The following TNNI3K variants were observed in gnomAD, a reference collection of about 807,000 sequenced individuals.
TNNI3K encodes the protein TNNI3 interacting kinase, also known as serine/threonine-protein kinase TNNI3K.
TNNI3K carries 140 observed loss-of-function variants against 114.5 expected under a neutral mutation model. The observed-to-expected ratio is 1.22, with a 90% CI of 1.07 to 1.41. The LOEUF is 1.41. TNNI3K is among the 40% of genes most tolerant of loss of function. The pLI is 0.00. For missense variants in TNNI3K, 1,125 were observed against 1,007.6 expected (o/e 1.12, Z -1.58); for synonymous variants, 347 against 347.5 (o/e 1.00, Z 0.02).
chr1:74,429,617 AGAGT>A (rs1275732895), intron 17 of TNNI3K, among the ~76,000 whole-genome samples: 4 of 152,158 alleles, frequency 2.6e-5, no homozygotes, highest in Admixed American at 2.6e-4. Context: ...TGGCAGGAAG[AGAGT>A]TCTGAGCCAT....
chr1:74,235,446 TAATA>T lies in TNNI3K; in HGVS notation c.-2_2del, dbSNP rs771367423. The T allele has an allele frequency of 6.6e-7, 1 of 1,518,970 alleles. No individual in the cohort carries two copies. Among genetic ancestry groups the T allele is most frequent in the Non-Finnish European group, 9.0e-7 (1 of 1,110,178 alleles). The allele number at this position is 1,518,970 out of a possible 1,614,324, so 94.1% of individuals were successfully genotyped here. A position where few individuals can be genotyped will look rare whatever the true frequency, so the allele number is the denominator to read the frequency against. ...TGCCCTGGAGAAAGGAAGAAACTTA[TAATA>T]AATGGGAAATTATAAATCTAGACCA... On this transcript the variant is annotated 5_prime_UTR_variant, in exon 1 of 25. Transcript: ENST00000326637.
At chr1:74,416,684 AT>A in intron 17 of TNNI3K, 1 of 509,408 alleles carries the variant, frequency 2.0e-6, no homozygotes, top group Non-Finnish European at 2.5e-6. Context: ...TTATTCTTAC[AT>A]TAAATATCTT....
intron 17 of TNNI3K, among the ~76,000 whole-genome samples, chr1:74,385,102 A>C (rs1233186987): frequency 2.0e-5 from 3 of 152,134 alleles, no homozygotes; most frequent in Non-Finnish European, 2.9e-5. Context: ...CTCTGCCTAC[A>C]TTCCACTTAT....
chr1:74,451,248 G>A (rs1024992227), intron 20 of TNNI3K, among the ~76,000 whole-genome samples: 1 of 152,034 alleles, frequency 6.6e-6, no homozygotes, highest in Non-Finnish European at 1.5e-5. Context: ...GCCTGTTGGG[G>A]AAGGCAGGGG....
intron 17 of TNNI3K, among the ~76,000 whole-genome samples, chr1:74,398,683 G>T (rs1202838874): frequency 5.3e-5 from 8 of 152,136 alleles, no homozygotes; most frequent in Admixed American, 5.2e-4. Context: ...ATTATACCCA[G>T]ATTTGGCCTG....
At chr1:74,400,427 G>A (rs964565689) in intron 17 of TNNI3K, among the ~76,000 whole-genome samples, 6 of 152,144 alleles carry the variant, frequency 3.9e-5, no homozygotes, top group Admixed American at 2.6e-4. Flanking sequence ...CCAAATTTTC[G>A]GTACTAGCTC....
intron 21 of TNNI3K, among the ~76,000 whole-genome samples, chr1:74,483,919 G>C (rs1668623118): frequency 6.6e-6 from 1 of 152,090 alleles, no homozygotes; most frequent in Admixed American, 6.5e-5. Flanking sequence ...ATGATGTCAA[G>C]ATTAAGCTCA....
chr1:74,378,787 A>C (rs1663053490), intron 17 of TNNI3K: 1 of 151,298 alleles, frequency 6.6e-6, no homozygotes, highest in Admixed American at 6.6e-5. Flanking sequence ...TGGGAAATGT[A>C]GTCTAGCTGT....
chr1:74,295,827 T>G (rs1381067418), intron 5 of TNNI3K, among the ~76,000 whole-genome samples: 1 of 152,180 alleles, frequency 6.6e-6, no homozygotes, highest in Non-Finnish European at 1.5e-5. Context: ...AATATTTAAT[T>G]TATTGGATAT....
At chr1:74,541,493 C>T (rs1026351440) in intron 24 of TNNI3K, 2 of 152,168 alleles carry the variant, frequency 1.3e-5, no homozygotes, top group Non-Finnish European at 2.9e-5. Context: ...CACATCCTCA[C>T]ATTTTTTTAA....
At chr1:74,494,451 G>GATAAACA (rs1488150580) in intron 23 of TNNI3K, among the ~76,000 whole-genome samples, 52 of 152,196 alleles carry the variant, frequency 3.4e-4, no homozygotes, top group African/African-American at 1.2e-3. Context: ...CACACAAACT[G>GATAAACA]GACACCATTT....
chr1:74,238,007 G>T (rs1381098005), intron 2 of TNNI3K, among the ~76,000 whole-genome samples: 1 of 151,800 alleles, frequency 6.6e-6, no homozygotes, highest in East Asian at 1.9e-4. Context: ...TCCATAGATA[G>T]CGCTCTTCCT....
At chr1:74,280,402 TAAAA>T (rs1197754332) in intron 5 of TNNI3K, among the ~76,000 whole-genome samples, 1 of 149,690 alleles carries the variant, frequency 6.7e-6, no homozygotes, top group Admixed American at 6.7e-5. Context: ...TAAAATAAAA[TAAAA>T]AAGGAAAGAA....
At chr1:74,442,983 A>G (rs1317933867) in intron 20 of TNNI3K, among the ~76,000 whole-genome samples, 1 of 152,212 alleles carries the variant, frequency 6.6e-6, no homozygotes, top group Non-Finnish European at 1.5e-5. Flanking sequence ...AAGAGACAAC[A>G]TACCAGAATC....
At chr1:74,425,783 C>T (rs931355268) in intron 17 of TNNI3K, among the ~76,000 whole-genome samples, 27 of 151,872 alleles carry the variant, frequency 1.8e-4, no homozygotes, top group African/African-American at 6.5e-4. Flanking sequence ...ACACCATGAA[C>T]AAAGGGAGGG....
At chr1:74,387,863 A>G (rs925369182) in intron 17 of TNNI3K, among the ~76,000 whole-genome samples, 4 of 152,228 alleles carry the variant, frequency 2.6e-5, no homozygotes, top group African/African-American at 9.7e-5. Flanking sequence ...TAGATATTCA[A>G]TAAATGTTAG....
At chr1:74,388,994 A>G (rs540536126) in intron 17 of TNNI3K, among the ~76,000 whole-genome samples, 1 of 152,346 alleles carries the variant, frequency 6.6e-6, no homozygotes, top group Admixed American at 6.5e-5. Flanking sequence ...CCATCCTCAA[A>G]GCACTCATGC....
chr1:74,448,270 A>T (rs1666800619), intron 20 of TNNI3K, among the ~76,000 whole-genome samples: 1 of 124,994 alleles, frequency 8.0e-6, no homozygotes, highest in Non-Finnish European at 1.7e-5. Flanking sequence ...TAAAAAAAAA[A>T]AAAAAAAAAA....
chr1:74,411,474 T>C (rs1164227314), intron 17 of TNNI3K, among the ~76,000 whole-genome samples: 8 of 152,116 alleles, frequency 5.3e-5, no homozygotes. Context: ...GTCAAATAGG[T>C]AACAAACTAT....
Sources: gnomAD v4.1 joint callset for allele counts (sites outside exome capture counted in the v4.1 genomes callset) on GRCh38, gnomAD v4.1.1 for gene constraint, MANE v1.5 for transcripts, NCBI Gene and HGNC (gene_info 2026-07-23, HGNC 2026-07-21) for gene names.